DNAH6: variants seen among roughly 807,000 people sequenced by gnomAD.
DNAH6 encodes dynein axonemal heavy chain 6, also known as axonemal beta dynein heavy chain 6.
DNAH6 carries 340 observed loss-of-function variants against 491.4 expected under a neutral mutation model. The ratio of observed to expected loss-of-function variants is 0.69; its 90% confidence interval spans 0.63 to 0.76. DNAH6 has a LOEUF of 0.76. DNAH6 is among the 30% of genes least tolerant of loss of function. DNAH6 has a pLI of 0.00. For synonymous variants in DNAH6, 1,603 were observed against 1,686.1 expected (o/e 0.95, Z 1.21); for missense variants, 4,443 against 4,972.2 (o/e 0.89, Z 3.20).
intron 4 of DNAH6, among the ~76,000 whole-genome samples, chr2:84,543,768 G>T (rs1044222097): frequency 1.6e-4 from 25 of 152,144 alleles, no homozygotes; most frequent in African/African-American, 6.0e-4. Context: ...TATTTTGTTG[G>T]TGATAAATTG....
intron 11 of DNAH6, among the ~76,000 whole-genome samples, chr2:84,571,145 T>C (rs182229564): frequency 8.3e-4 from 126 of 152,234 alleles, no homozygotes; most frequent in African/African-American, 2.9e-3. Context: ...AACAAACTAA[T>C]TGAATGAGTG....
chr2:84,801,105 G>A (rs1678854489), intron 70 of DNAH6, among the ~76,000 whole-genome samples: 1 of 114,588 alleles, frequency 8.7e-6, no homozygotes, highest in African/African-American at 3.3e-5. Context: ...GTGGGGTGGG[G>A]GGAGGGGGGA....
upstream of DNAH6, among the ~76,000 whole-genome samples, chr2:84,513,004 A>G (rs558477299): frequency 2.6e-5 from 4 of 151,862 alleles, no homozygotes; most frequent in East Asian, 7.7e-4. Flanking sequence ...TACTTTTGAC[A>G]TTTTGTATTT....
chr2:84,589,363 C>T (rs1457409121), intron 16 of DNAH6, among the ~76,000 whole-genome samples: 1 of 151,970 alleles, frequency 6.6e-6, no homozygotes, highest in Non-Finnish European at 1.5e-5. Context: ...GTTTTATGTG[C>T]CAATTTGATA....
At chr2:84,688,657 A>G in intron 45 of DNAH6, 64 bp downstream of exon 45, 1 of 1,363,406 alleles carries the variant, frequency 7.3e-7, no homozygotes, top group African/African-American at 1.5e-5. Context: ...AAGGGTAAAA[A>G]AATAAGTTGT....
chr2:84,589,749 G>A (rs1683923155), intron 16 of DNAH6, among the ~76,000 whole-genome samples: 1 of 149,370 alleles, frequency 6.7e-6, no homozygotes, highest in Non-Finnish European at 1.5e-5. Context: ...ATATTTGAAA[G>A]GCTAATAGAA....
intron 63 of DNAH6, among the ~76,000 whole-genome samples, chr2:84,760,501 CAT>C (rs1674467724): frequency 6.6e-6 from 1 of 151,982 alleles, no homozygotes; most frequent in Non-Finnish European, 1.5e-5. Context: ...GGCAAAGGGA[CAT>C]AAATAGACAT....
chr2:84,712,323 C>T (rs1375155813), intron 56 of DNAH6, among the ~76,000 whole-genome samples: 2 of 152,264 alleles, frequency 1.3e-5, no homozygotes, highest in South Asian at 2.1e-4. Context: ...CAATGTGGAA[C>T]AGATTTGTTA....
At chr2:84,733,152 G>A (rs1239684803) in intron 61 of DNAH6, among the ~76,000 whole-genome samples, 2 of 152,124 alleles carry the variant, frequency 1.3e-5, no homozygotes, top group East Asian at 3.9e-4. Context: ...TGGCAAGTGG[G>A]GAAAGATCGA....
At chr2:84,712,724 C>A (rs1697167132) in intron 56 of DNAH6, among the ~76,000 whole-genome samples, 1 of 152,210 alleles carries the variant, frequency 6.6e-6, no homozygotes, top group Non-Finnish European at 1.5e-5. Context: ...CTGTCATTTG[C>A]CAATCCCTGG....
chr2:84,718,873 C>A (rs895854547), intron 59 of DNAH6, among the ~76,000 whole-genome samples: 22 of 152,302 alleles, frequency 1.4e-4, no homozygotes, highest in African/African-American at 5.1e-4. Context: ...GTGAATAGTT[C>A]ATTTTGATAT....
In DNAH6 at chr2:84,685,379, C is replaced by T; in HGVS notation, c.6970C>T (p.Leu2324Phe). The change falls in exon 43 of 77, where the codon CTC becomes TTC. Residue 2324 changes from leucine (L) to phenylalanine (F), a missense_variant. By Grantham distance (22) the Leu-to-Phe change is conservative (BLOSUM62 0). Around this residue, in one of 3 missense-constraint regions of DNAH6, gnomAD observed 2,977 missense variants for 3,296.6 expected, o/e 0.90. Coordinates refer to ENST00000389394, the MANE Select transcript of DNAH6 (RefSeq NM_001370.2). ...TIREEIQIFR[L>F]FCHECQRVFH... ...AAGAGAAGAAATTCAGATATTTAGA[C>T]TCTTTTGCCATGAGTGCCAAAGGGT... The T allele has an allele frequency of 3.3e-6, 5 of 1,527,380 alleles. No homozygotes were observed. The highest frequency in any genetic ancestry group is 4.4e-6 in the Non-Finnish European group (5 of 1,131,614). 94.6% of individuals were successfully genotyped at this position (1,527,380 alleles called of 1,614,324 possible).
At chr2:84,579,102 C>T (rs917725009) in intron 13 of DNAH6, among the ~76,000 whole-genome samples, 1 of 152,088 alleles carries the variant, frequency 6.6e-6, no homozygotes, top group Non-Finnish European at 1.5e-5. Context: ...TTAATCTGAT[C>T]AGTTTGGCCA....
At chr2:84,488,419 TAAA>T in the DNAH6 span, among the ~76,000 whole-genome samples, 1 of 151,468 alleles carries the variant, frequency 6.6e-6, no homozygotes. Context: ...TTAAAAAAAT[TAAA>T]AAAAAGAAAT....
chr2:84,595,220 T>C (rs992385272), intron 17 of DNAH6, among the ~76,000 whole-genome samples: 4 of 152,196 alleles, frequency 2.6e-5, no homozygotes, highest in Non-Finnish European at 5.9e-5. Flanking sequence ...GTTTACATAA[T>C]TGAGAAAAAC....
Position 84,604,567 on chromosome 2 carries a change from A to G in DNAH6, c.3081+16A>G, listed in dbSNP as rs1197747624. 7 of 1,525,632 alleles carry G rather than the reference A, an allele frequency of 4.6e-6. No individual in the cohort carries two copies. The highest frequency in any genetic ancestry group is 6.2e-6 in the Non-Finnish European group (7 of 1,124,918). 94.5% of individuals were successfully genotyped at this position (1,525,632 alleles called of 1,614,324 possible). ...TCTTAAAAAGGTAAATCTGGAATAT[A>G]TATTTATCTATATACCATTAGGGAA... On this transcript the variant is annotated intron_variant, in intron 19 of 76. Coordinates refer to ENST00000389394, the MANE Select transcript of DNAH6 (RefSeq NM_001370.2).
intron 63 of DNAH6, among the ~76,000 whole-genome samples, chr2:84,748,459 C>T (rs1165928163): frequency 6.6e-6 from 1 of 152,188 alleles, no homozygotes; most frequent in Non-Finnish European, 1.5e-5. Context: ...CTTCCACAAA[C>T]CCCTAGTGCA....
At chr2:84,580,398 C>T (rs1682901107) in intron 14 of DNAH6, among the ~76,000 whole-genome samples, 1 of 152,062 alleles carries the variant, frequency 6.6e-6, no homozygotes, top group Non-Finnish European at 1.5e-5. Context: ...TGGTTTCCTC[C>T]TCTCAGCCTC....
At chr2:84,507,479 G>A in the DNAH6 span, among the ~76,000 whole-genome samples, 56 of 152,202 alleles carry the variant, frequency 3.7e-4, no homozygotes, top group Non-Finnish European at 6.5e-4. Context: ...GAGACGATGG[G>A]GTTTTCTAGA....
Sources: allele counts gnomAD v4.1 joint callset (sites outside exome capture counted in the v4.1 genomes callset), GRCh38; gene constraint gnomAD v4.1.1; regional missense constraint gnomAD v4.1.1; transcripts MANE v1.5; gene names NCBI Gene and HGNC (gene_info 2026-07-23, HGNC 2026-07-21).